BRF1: variants seen among roughly 807,000 people sequenced by gnomAD.
BRF1 encodes BRF1 general transcription factor IIIB subunit.
Under a neutral mutation model 81.7 loss-of-function variants are expected in BRF1, and 59 were observed. That is an observed-to-expected ratio of 0.72 (90% CI 0.59 to 0.90). BRF1 has a LOEUF of 0.90. BRF1 is among the 40% of genes least tolerant of loss of function. BRF1 has a pLI of 0.00. For missense variants in BRF1, 1,050 were observed against 936.3 expected (o/e 1.12, Z -1.58); for synonymous variants, 491 against 395.6 (o/e 1.24, Z -2.86).
chr14:105,290,279 C>T (rs138843719), intron 1 of BRF1, among the ~76,000 whole-genome samples: 3,131 of 152,176 alleles, frequency 0.021, 42 homozygotes, highest in Non-Finnish European at 0.032. Flanking sequence ...ATTACCCAGG[C>T]ATGGTGGCAC....
intron 17 of BRF1, 28 bp downstream of exon 17, chr14:105,211,094 C>A (rs767830218): frequency 6.2e-7 from 1 of 1,610,268 alleles, no homozygotes; most frequent in East Asian, 2.2e-5. Flanking sequence ...TTCCCTTGAA[C>A]CCCTCCCTGT....
At position 105,210,267 on chromosome 14, in the gene BRF1, A is replaced by T. The variant is rs1001635607; in HGVS notation, c.*284T>A. On this transcript the variant is annotated 3_prime_UTR_variant, in exon 18 of 18. Transcript: ENST00000547530. The surrounding 1 kb of genome is among the most constrained non-coding windows in gnomAD (Gnocchi z 4.7). ...AGCAACACCACACTGCCAGCCTTGG[A>T]GGGTCCTTGGATGAGTCGACGGCAG... The T allele has an allele frequency of 6.4e-6, 3 of 472,064 alleles. No homozygotes were observed. The highest frequency in any genetic ancestry group is 6.0e-5 in the African/African-American group (3 of 50,374). The allele number at this position is 472,064 out of a possible 1,614,324, so 29.2% of individuals were successfully genotyped here. A position where few individuals can be genotyped will look rare whatever the true frequency, so the allele number is the denominator to read the frequency against.
Position 105,210,353 on chromosome 14 carries a change from T to C in BRF1, c.*198A>G, listed in dbSNP as rs1366769593. 17 of 620,738 alleles carry C rather than the reference T, an allele frequency of 2.7e-5. No individual in the cohort carries two copies. In the South Asian group the frequency reaches 2.9e-4, roughly 10 times the overall value. The allele number at this position is 620,738 out of a possible 1,614,324, so 38.5% of individuals were successfully genotyped here. A position where few individuals can be genotyped will look rare whatever the true frequency, so the allele number is the denominator to read the frequency against. On this transcript the variant is annotated 3_prime_UTR_variant, in exon 18 of 18. Transcript: ENST00000547530. The surrounding 1 kb of genome is among the most constrained non-coding windows in gnomAD (Gnocchi z 4.7). ...ATCTGATCACACACATGCAGACGCT[T>C]GGTCCGGTTTCCCTTGCTGAATAGA...
intron 1 of BRF1, among the ~76,000 whole-genome samples, chr14:105,306,928 G>A (rs1041199349): frequency 6.6e-6 from 1 of 151,894 alleles, no homozygotes; most frequent in Non-Finnish European, 1.5e-5. Flanking sequence ...CATCTGTGGT[G>A]CTTTGACATC....
At chr14:105,285,528 T>C (rs2057283771) in intron 2 of BRF1, among the ~76,000 whole-genome samples, 1 of 152,152 alleles carries the variant, frequency 6.6e-6, no homozygotes, top group South Asian at 2.1e-4. Context: ...GACCAAAACC[T>C]ACTGGAAAGA....
intron 5 of BRF1, chr14:105,249,573 C>G: frequency 2.5e-6 from 4 of 1,586,168 alleles, no homozygotes; most frequent in Non-Finnish European, 3.4e-6. Flanking sequence ...ATGGACTCCT[C>G]TCCCAGGCCC....
chr14:105,275,917 CTGAGAGG>C (rs2056861890), intron 2 of BRF1, among the ~76,000 whole-genome samples: 1 of 152,248 alleles, frequency 6.6e-6, no homozygotes, highest in East Asian at 1.9e-4. Flanking sequence ...TGAGAAGGAG[CTGAGAGG>C]CGGCCCTCAC....
chr14:105,304,119 A>G (rs587607429), upstream of BRF1, among the ~76,000 whole-genome samples: 3 of 152,340 alleles, frequency 2.0e-5, no homozygotes, highest in East Asian at 5.8e-4. Context: ...AGTACAGGAC[A>G]GTCAGGCTGT....
chr14:105,248,453 G>C, intron 5 of BRF1: 2 of 985,278 alleles, frequency 2.0e-6, no homozygotes, highest in Non-Finnish European at 2.4e-6. Flanking sequence ...TTGCTGGGCA[G>C]AAGCTCGAGC....
At chr14:105,291,187 G>A (rs2057493766) in intron 1 of BRF1, among the ~76,000 whole-genome samples, 1 of 152,094 alleles carries the variant, frequency 6.6e-6, no homozygotes, top group African/African-American at 2.4e-5. Context: ...TTCCACCAGA[G>A]CCAGAGCAGG....
rs587594534 is a variant in BRF1, at chr14:105,264,782, A to G, written c.439+7939T>C. On this transcript the variant is annotated intron_variant, in intron 3 of 17. Coordinates refer to ENST00000547530, the MANE Select transcript of BRF1 (RefSeq NM_001519.4). ...CTCGAGCCTGGGAGGTCAAGGCTGC[A>G]GTGAGCTGTGACTGCACCACTGCAC... Among the ~76,000 whole-genome samples, 16 of 151,918 alleles carry G rather than the reference A, an allele frequency of 1.1e-4. 1 individual carries two copies. The South Asian group carries it at 3.3e-3, about 32-fold the overall frequency.
In BRF1 at chr14:105,282,888, G is replaced by A. The variant is rs587611763; in HGVS notation, c.265+3408C>T. On this transcript the variant is annotated intron_variant, in intron 2 of 17. Coordinates refer to ENST00000547530, the MANE Select transcript of BRF1 (RefSeq NM_001519.4). ...GCGGAGGTTGCAGTGAGCCCAGATC[G>A]CGCCACTGCACTCCAGCCTGGGTGA... is the stretch of plus-strand genomic sequence containing the variant. Among the ~76,000 whole-genome samples the A allele has an allele frequency of 1.4e-3, 220 of 152,198 alleles. 1 individual carries two copies. The highest frequency in any genetic ancestry group is 5.0e-3 in the African/African-American group (206 of 41,522).
At chr14:105,277,560 C>G (rs897278895) in intron 2 of BRF1, among the ~76,000 whole-genome samples, 3 of 139,578 alleles carry the variant, frequency 2.1e-5, no homozygotes, top group Non-Finnish European at 3.1e-5. Flanking sequence ...TGAGAAGGAG[C>G]TGAGAGGCGG....
chr14:105,241,725 T>G, intron 5 of BRF1: 1 of 428,718 alleles, frequency 2.3e-6, no homozygotes, highest in South Asian at 2.4e-5. Flanking sequence ...CAGCCTTCCC[T>G]CCAGACCATG....
At chr14:105,302,096 G>A (rs746603096), upstream of BRF1, among the ~76,000 whole-genome samples, 46 of 150,704 alleles carry the variant, frequency 3.1e-4, no homozygotes, top group Non-Finnish European at 5.3e-4. Context: ...CTGAGATCCC[G>A]CCATTGCACT....
Position 105,212,119 on chromosome 14 carries a change from C to A in BRF1, c.1818G>T (p.Thr606=). Residue 606 remains threonine (T), a synonymous_variant, in exon 16 of 18, where the codon ACG becomes ACT. Coordinates refer to ENST00000547530, the MANE Select transcript of BRF1 (RefSeq NM_001519.4). ...GCTGCGTGGGACAACACACCTCTCC[C>A]GTGGCCACCTTCTTTGCTGGCTGCG... ...VSTQPAKKVA[T]GEALLPSSPT... is the part of the protein sequence containing the mutation. 6.2e-7 allele frequency: 1 copy of A among 1,612,790 alleles called. No homozygotes were observed. Among genetic ancestry groups the A allele is most frequent in the South Asian group, 1.1e-5 (1 of 90,980 alleles).
chr14:105,240,923 G>T (rs2054552178), intron 6 of BRF1, among the ~76,000 whole-genome samples: 1 of 152,070 alleles, frequency 6.6e-6, no homozygotes, highest in South Asian at 2.1e-4. Context: ...TCTCAGGAGA[G>T]AGAGGCCACA....
At chr14:105,221,166 A>G (rs1035455063) in intron 11 of BRF1, among the ~76,000 whole-genome samples, 4 of 152,134 alleles carry the variant, frequency 2.6e-5, no homozygotes, top group African/African-American at 7.2e-5. Flanking sequence ...GATGGGACCC[A>G]CCTTTCTCCT....
At chr14:105,249,764 G>T in intron 5 of BRF1, 1 of 1,613,876 alleles carries the variant, frequency 6.2e-7, no homozygotes, top group Non-Finnish European at 8.5e-7. Flanking sequence ...GACAAGTTTG[G>T]AAGCCAAGAA....
Sources: gnomAD v4.1 joint callset for allele counts (sites outside exome capture counted in the v4.1 genomes callset) on GRCh38, gnomAD v4.1.1 for gene constraint, Gnocchi (gnomAD v3.1) non-coding constraint, MANE v1.5 for transcripts, NCBI Gene and HGNC (gene_info 2026-07-23, HGNC 2026-07-21) for gene names.